CSMD1: variants seen among roughly 807,000 people sequenced by gnomAD.
CSMD1 encodes CUB and Sushi multiple domains 1.
A neutral mutation model predicts 417.5 loss-of-function variants in CSMD1; 213 were observed. That is an observed-to-expected ratio of 0.51 (90% CI 0.46 to 0.57). The LOEUF (loss-of-function observed/expected upper bound fraction) is 0.57, where lower values mean the gene tolerates loss of function less well. Ranked by LOEUF, CSMD1 falls within the 20% of genes least tolerant of loss-of-function variation. The pLI is 0.00. For synonymous variants in CSMD1, 2,862 were observed against 1,736.8 expected (o/e 1.65, Z -16.11); for missense variants, 6,923 against 4,529.7 (o/e 1.53, Z -15.17).
intron 1 of CSMD1, among the ~76,000 whole-genome samples, chr8:4,793,861 G>A (rs1223655979): frequency 3.3e-5 from 5 of 149,846 alleles, no homozygotes; most frequent in Non-Finnish European, 5.9e-5. Context: ...AAACTCCTCT[G>A]ATTAAAAGTT....
At chr8:4,466,910 G>A (rs1424408456) in intron 2 of CSMD1, among the ~76,000 whole-genome samples, 3 of 151,910 alleles carry the variant, frequency 2.0e-5, no homozygotes, top group African/African-American at 7.3e-5. Context: ...ATTTTACAGT[G>A]TGTTTTTACA....
intron 54 of CSMD1, among the ~76,000 whole-genome samples, chr8:2,984,352 T>G (rs778213031): frequency 1.3e-5 from 2 of 151,992 alleles, no homozygotes; most frequent in Non-Finnish European, 2.9e-5. Context: ...TTATTTACTT[T>G]TTCTTTTTTC....
At chr8:3,188,228 A>G (rs968885463) in intron 35 of CSMD1, among the ~76,000 whole-genome samples, 1 of 112,738 alleles carries the variant, frequency 8.9e-6, no homozygotes, top group Admixed American at 1.0e-4. Flanking sequence ...CTATCTATCT[A>G]TATATACATG....
At chr8:4,061,580 A>G (rs1208774192) in intron 3 of CSMD1, among the ~76,000 whole-genome samples, 1 of 152,198 alleles carries the variant, frequency 6.6e-6, no homozygotes, top group Non-Finnish European at 1.5e-5. Context: ...TGACTATGGT[A>G]AGGAAGTTGT....
At chr8:3,748,917 A>G (rs1383232600) in intron 6 of CSMD1, among the ~76,000 whole-genome samples, 1 of 152,232 alleles carries the variant, frequency 6.6e-6, no homozygotes, top group Non-Finnish European at 1.5e-5. Context: ...AATGTTCCCT[A>G]TAAAAATTGG....
intron 7 of CSMD1, among the ~76,000 whole-genome samples, chr8:3,641,371 C>T (rs1158761467): frequency 3.9e-5 from 6 of 152,070 alleles, no homozygotes; most frequent in South Asian, 2.1e-4. Context: ...TTGCCACCTT[C>T]GCTAACGTCA....
chr8:3,203,235 G>A (rs534449760), intron 31 of CSMD1, among the ~76,000 whole-genome samples: 1 of 152,320 alleles, frequency 6.6e-6, no homozygotes, highest in South Asian at 2.1e-4. Flanking sequence ...AGTACAAGAT[G>A]TCAGGAGCCA....
At chr8:3,147,788 C>A (rs1048557227) in intron 40 of CSMD1, among the ~76,000 whole-genome samples, 1 of 152,150 alleles carries the variant, frequency 6.6e-6, no homozygotes, top group Non-Finnish European at 1.5e-5. Flanking sequence ...TATTGTTTAA[C>A]ACAGTTTCCC....
At chr8:4,987,077 A>G (rs951151868) in intron 1 of CSMD1, among the ~76,000 whole-genome samples, 1 of 152,182 alleles carries the variant, frequency 6.6e-6, no homozygotes, top group Admixed American at 6.6e-5. Flanking sequence ...TAGAAGCCAT[A>G]TTTTACTACC....
At chr8:2,968,876 G>C (rs539743725) in intron 57 of CSMD1, among the ~76,000 whole-genome samples, 3 of 152,140 alleles carry the variant, frequency 2.0e-5, no homozygotes, top group South Asian at 2.1e-4. Context: ...TTTATAAAAA[G>C]TACATTTTGT....
At chr8:4,269,943 G>C (rs190964684) in intron 3 of CSMD1, among the ~76,000 whole-genome samples, 1 of 152,150 alleles carries the variant, frequency 6.6e-6, no homozygotes, top group African/African-American at 2.4e-5. Flanking sequence ...CAACAGTTGG[G>C]GGAAACCACG....
chr8:3,018,409 T>G, intron 52 of CSMD1, 68 bp downstream of exon 52: 1 of 1,455,756 alleles, frequency 6.9e-7, no homozygotes, highest in Non-Finnish European at 9.4e-7. Context: ...TCATATGTGT[T>G]ACACAGCTGT....
At chr8:4,115,661 T>C (rs771320459) in intron 3 of CSMD1, among the ~76,000 whole-genome samples, 2 of 152,134 alleles carry the variant, frequency 1.3e-5, no homozygotes, top group African/African-American at 2.4e-5. Context: ...TTGCCCATAA[T>C]TGCTAAAATT....
rs182865045 is a variant in CSMD1, at chr8:4,052,263, G to C, written c.416-20164C>G. Among the ~76,000 whole-genome samples the C allele has an allele frequency of 2.9e-3, 443 of 152,310 alleles. 2 individuals are homozygous for C. Among genetic ancestry groups the C allele is most frequent in the African/African-American group, 0.01 (425 of 41,566 alleles). The stretch of plus-strand genomic sequence containing the variant: ...TTCTGAGAGGGTGGGAGTCCAGACA[G>C]GGCACAGCCTGCCATTTGGCAAAAG... On this transcript the variant is annotated intron_variant, in intron 3 of 69. Coordinates refer to ENST00000635120, the MANE Select transcript of CSMD1 (RefSeq NM_033225.6).
chr8:3,996,704 T>G (rs557381160), intron 5 of CSMD1, among the ~76,000 whole-genome samples: 1 of 152,138 alleles, frequency 6.6e-6, no homozygotes, highest in African/African-American at 2.4e-5. Context: ...ATGAAAAAAA[T>G]TGAAAACAAA....
At chr8:4,673,039 AACAC>A (rs201724052) in intron 1 of CSMD1, among the ~76,000 whole-genome samples, 2 of 151,780 alleles carry the variant, frequency 1.3e-5, no homozygotes, top group South Asian at 2.1e-4. Flanking sequence ...ACGGTGACAC[AACAC>A]ACACACAAAC....
chr8:4,756,445 AC>A (rs1417987204), intron 1 of CSMD1, among the ~76,000 whole-genome samples: 3 of 152,198 alleles, frequency 2.0e-5, no homozygotes. Flanking sequence ...AGTTTCCTAA[AC>A]GCTAAAAGTT....
intron 5 of CSMD1, among the ~76,000 whole-genome samples, chr8:3,916,642 C>G (rs918920953): frequency 2.6e-5 from 4 of 152,100 alleles, no homozygotes; most frequent in African/African-American, 9.7e-5. Context: ...TATAGGTACC[C>G]TGACAGGCAA....
intron 1 of CSMD1, among the ~76,000 whole-genome samples, chr8:4,993,327 G>C (rs1463136661): frequency 6.7e-6 from 1 of 149,248 alleles, no homozygotes; most frequent in African/African-American, 2.4e-5. Flanking sequence ...ATCTAAGGAG[G>C]CTAAAAATGA....
Sources: gnomAD v4.1 joint callset for allele counts (sites outside exome capture counted in the v4.1 genomes callset) on GRCh38, gnomAD v4.1.1 for gene constraint, MANE v1.5 for transcripts, NCBI Gene and HGNC (gene_info 2026-07-23, HGNC 2026-07-21) for gene names.